Variants in MICAL2 observed in about 807,000 individuals in gnomAD.
The protein encoded by MICAL2 is [F-actin]-monooxygenase MICAL2.
A neutral mutation model predicts 127.3 loss-of-function variants in MICAL2; 77 were observed. The ratio of observed to expected loss-of-function variants is 0.60; its 90% CI spans 0.50 to 0.73. The LOEUF is 0.73. MICAL2 is among the 30% of genes least tolerant of loss of function. The pLI, the probability that MICAL2 is intolerant of heterozygous loss-of-function variation, is 0.00. For missense variants in MICAL2, 1,351 were observed against 1,434.4 expected (o/e 0.94, Z 0.94); for synonymous variants, 570 against 551.1 (o/e 1.03, Z -0.48).
chr11:12,152,432 T>C (rs1046614314), intron 2 of MICAL2, among the ~76,000 whole-genome samples: 2 of 151,566 alleles, frequency 1.3e-5, no homozygotes, highest in African/African-American at 4.9e-5. Context: ...GGGAGCAATA[T>C]GGGTATGCTT....
At chr11:12,329,880 A>AAAAG (rs1297098207) in intron 32 of MICAL2, among the ~76,000 whole-genome samples, 45 of 148,850 alleles carry the variant, frequency 3.0e-4, no homozygotes, top group African/African-American at 4.9e-4. Context: ...AAAAAAAAAA[A>AAAAG]AAAGAAAAGA....
chr11:12,258,566 T>A lies in MICAL2; in HGVS notation c.3231+10T>A. Reference sequence around the variant, plus strand: ...GAAGCAACAAAGAGAGGTATGTTTGTCTCAAACATGCTGGTGAAACGGGGA... The same window carrying A: ...GAAGCAACAAAGAGAGGTATGTTTGACTCAAACATGCTGGTGAAACGGGGA... On this transcript the variant is annotated intron_variant, in intron 25 of 27. Coordinates refer to ENST00000683283, the MANE Select transcript of MICAL2 (RefSeq NM_001282663.2). 2.5e-6 allele frequency: 4 copies of A among 1,609,464 alleles called. No homozygotes were observed. Among genetic ancestry groups the A allele is most frequent in the Non-Finnish European group, 3.4e-6 (4 of 1,176,422 alleles).
At chr11:12,129,337 T>C (rs59349240) in intron 1 of MICAL2, among the ~76,000 whole-genome samples, 1,880 of 152,324 alleles carry the variant, frequency 0.012, 37 homozygotes, top group African/African-American at 0.042. Flanking sequence ...CCCATTCATA[T>C]TTCATTTGGT....
chr11:12,180,571 T>C (rs1267507292), intron 3 of MICAL2, among the ~76,000 whole-genome samples: 1 of 152,166 alleles, frequency 6.6e-6, no homozygotes, highest in African/African-American at 2.4e-5. Flanking sequence ...GTATAAAGCT[T>C]TTCTGTTTAC....
downstream of MICAL2, chr11:12,293,982 C>T (rs1301585701): frequency 2.5e-6 from 4 of 1,614,136 alleles, no homozygotes; most frequent in Non-Finnish European, 3.4e-6. Context: ...TTAGTCCTCA[C>T]TCAGGAGCAG....
chr11:12,220,155 C>T, intron 8 of MICAL2, 46 bp from the exon 9 acceptor site: 1 of 1,608,874 alleles, frequency 6.2e-7, no homozygotes, highest in Non-Finnish European at 8.5e-7. Flanking sequence ...TGAAGGCTAG[C>T]CCTTTAGAGG....
At chr11:12,231,748 A>C (rs1462040108) in intron 15 of MICAL2, among the ~76,000 whole-genome samples, 1 of 152,202 alleles carries the variant, frequency 6.6e-6, no homozygotes, top group Non-Finnish European at 1.5e-5. Context: ...TTCTCATGGC[A>C]GAGGTTTGAA....
intron 14 of MICAL2, 145 bp downstream of exon 14, chr11:12,226,515 C>T (rs946387404): frequency 2.5e-5 from 18 of 711,680 alleles, no homozygotes; most frequent in Non-Finnish European, 3.7e-5. Flanking sequence ...AGGGGTGACT[C>T]CACTCACCCA....
Position 12,216,107 on chromosome 11 carries a change from A to G in MICAL2, c.848-112A>G, listed in dbSNP as rs1341147064. ...TGTGTGCCTTAAAAACTGGTCTAAC[A>G]TGAATATTCTGCAGATAAATAACAA... is the stretch of plus-strand genomic sequence containing the variant. On this transcript the variant is annotated intron_variant, in intron 7 of 27. Coordinates refer to ENST00000683283, the MANE Select transcript of MICAL2 (RefSeq NM_001282663.2). 3 of 784,848 alleles carry G rather than the reference A, an allele frequency of 3.8e-6. No homozygotes were observed. In the African/African-American group the frequency reaches 5.2e-5, roughly 13 times the overall value. The allele number at this position is 784,848 out of a possible 1,614,324, so 48.6% of individuals were successfully genotyped here. A position where few individuals can be genotyped will look rare whatever the true frequency, so the allele number is the denominator to read the frequency against.
At chr11:12,262,224 G>T in intron 26 of MICAL2, 1 of 1,370,594 alleles carries the variant, frequency 7.3e-7, no homozygotes, top group Non-Finnish European at 9.4e-7. Context: ...AGTAAAATGG[G>T]GGCAGAGAGG....
At chr11:12,303,249 G>T (rs977967694) in intron 29 of MICAL2, among the ~76,000 whole-genome samples, 1 of 152,114 alleles carries the variant, frequency 6.6e-6, no homozygotes, top group Admixed American at 6.5e-5. Context: ...TGCTGTTGAC[G>T]TTTGCATCCT....
intron 1 of MICAL2, among the ~76,000 whole-genome samples, chr11:12,125,679 C>T (rs1850862852): frequency 6.6e-6 from 1 of 152,116 alleles, no homozygotes; most frequent in Non-Finnish European, 1.5e-5. Context: ...AACAAAAGGA[C>T]ACATATTTAT....
intron 32 of MICAL2, among the ~76,000 whole-genome samples, chr11:12,344,944 A>T (rs1048192824): frequency 6.3e-5 from 2 of 31,612 alleles, no homozygotes; most frequent in Non-Finnish European, 1.1e-4. Context: ...CGTCTGTACT[A>T]AAAAAAAAAG....
In MICAL2 at chr11:12,154,408, A is replaced by G. The variant is rs148199625; in HGVS notation, c.-77-7671A>G. Among the ~76,000 whole-genome samples, 175 of 151,806 alleles carry G rather than the reference A, an allele frequency of 1.2e-3. 1 individual carries two copies. Among genetic ancestry groups the G allele is most frequent in the African/African-American group, 4.1e-3 (171 of 41,356 alleles). ...TGAGATGGACAGTCAGGGAAAGAAGACTCCTGGCCTTGGAATGTGTATGTA... is the reference window on the plus strand; with the variant it reads ...TGAGATGGACAGTCAGGGAAAGAAGGCTCCTGGCCTTGGAATGTGTATGTA... On this transcript the variant is annotated intron_variant, in intron 2 of 27. Coordinates refer to ENST00000683283, the MANE Select transcript of MICAL2 (RefSeq NM_001282663.2).
chr11:12,152,297 C>CAAAAAAA (rs540812572), intron 2 of MICAL2, among the ~76,000 whole-genome samples: 118 of 38,310 alleles, frequency 3.1e-3, no homozygotes, highest in Non-Finnish European at 3.8e-3. Flanking sequence ...GACTCTGTCT[C>CAAAAAAA]AAAAAAAAAA....
At chr11:12,268,163 C>A (rs143133142), downstream of MICAL2, among the ~76,000 whole-genome samples, 485 of 152,330 alleles carry the variant, frequency 3.2e-3, 1 homozygote, top group African/African-American at 0.011. Context: ...GGAGGGAGAC[C>A]TGGAGGAAGA....
chr11:12,353,707 G>C (rs1939088388), intron 33 of MICAL2, among the ~76,000 whole-genome samples: 2 of 151,958 alleles, frequency 1.3e-5, no homozygotes, highest in South Asian at 4.2e-4. Flanking sequence ...CTCATTTCTT[G>C]ACTTTGCTGC....
intron 4 of MICAL2, among the ~76,000 whole-genome samples, chr11:12,207,334 T>C (rs977703598): frequency 3.3e-5 from 5 of 152,194 alleles, no homozygotes; most frequent in Non-Finnish European, 7.3e-5. Context: ...AAATACTAAG[T>C]AAGTCAAACC....
intron 32 of MICAL2, among the ~76,000 whole-genome samples, chr11:12,336,806 C>T (rs1321722520): frequency 6.6e-6 from 1 of 152,130 alleles, no homozygotes; most frequent in Non-Finnish European, 1.5e-5. Flanking sequence ...ATGAAGCTGA[C>T]TTGATCATGG....
Sources: allele counts gnomAD v4.1 joint callset (sites outside exome capture counted in the v4.1 genomes callset), GRCh38; gene constraint gnomAD v4.1.1; transcripts MANE v1.5; gene names NCBI Gene and HGNC (gene_info 2026-07-23, HGNC 2026-07-21).